Variants in CNBD1 observed in about 807,000 individuals in gnomAD.
The protein encoded by CNBD1 is cyclic nucleotide binding domain containing 1.
In CNBD1, 71 loss-of-function variants were observed where a neutral mutation model predicts 54.4. The observed-to-expected ratio is 1.30, with a 90% CI of 1.08 to 1.59. The LOEUF is 1.59. CNBD1 is among the 40% of genes most tolerant of loss of function. CNBD1 has a pLI of 0.00. For missense variants in CNBD1, 659 were observed against 518.0 expected (o/e 1.27, Z -2.64); for synonymous variants, 182 against 170.7 (o/e 1.07, Z -0.51).
chr8:87,320,504 C>A (rs565810047), intron 8 of CNBD1, among the ~76,000 whole-genome samples: 35 of 151,702 alleles, frequency 2.3e-4, no homozygotes, highest in African/African-American at 7.7e-4. Context: ...ATTATTTTGC[C>A]ACGAGTTAAA....
intron 8 of CNBD1, among the ~76,000 whole-genome samples, chr8:87,333,254 A>T (rs751757848): frequency 3.3e-4 from 50 of 152,300 alleles, no homozygotes; most frequent in Non-Finnish European, 6.0e-4. Context: ...GTTGCTTATC[A>T]GCTTAAGGAG....
At chr8:87,193,239 A>G (rs1184263418) in intron 4 of CNBD1, among the ~76,000 whole-genome samples, 1 of 152,192 alleles carries the variant, frequency 6.6e-6, no homozygotes, top group Non-Finnish European at 1.5e-5. Context: ...GGTTATTTAT[A>G]TTTGACCAAT....
intron 6 of CNBD1, among the ~76,000 whole-genome samples, chr8:87,280,984 T>A (rs1808588351): frequency 7.4e-6 from 1 of 134,714 alleles, no homozygotes; most frequent in African/African-American, 3.0e-5. Context: ...TTCAAAAAAA[T>A]TGAGAGACTG....
chr8:87,049,982 C>G (rs1461641937), intron 4 of CNBD1, among the ~76,000 whole-genome samples: 3 of 152,208 alleles, frequency 2.0e-5, no homozygotes, highest in African/African-American at 7.2e-5. Context: ...AAGGCTATTT[C>G]TTTCCTTCTG....
intron 4 of CNBD1, among the ~76,000 whole-genome samples, chr8:87,098,788 A>C (rs1811368077): frequency 6.6e-6 from 1 of 151,526 alleles, no homozygotes; most frequent in Non-Finnish European, 1.5e-5. Flanking sequence ...GTGTAATCTC[A>C]GCACTTTGGG....
At chr8:87,410,070 A>G (rs1159234299) in intron 2 of CNBD1, among the ~76,000 whole-genome samples, 1 of 152,042 alleles carries the variant, frequency 6.6e-6, no homozygotes, top group South Asian at 2.1e-4. Context: ...TACTACATAA[A>G]TGGAACATAA....
intron 10 of CNBD1, among the ~76,000 whole-genome samples, chr8:87,379,924 C>G (rs1811040011): frequency 6.7e-6 from 1 of 149,804 alleles, no homozygotes; most frequent in Non-Finnish European, 1.5e-5. Context: ...TTAAATATGA[C>G]CAAATGATTT....
intron 10 of CNBD1, among the ~76,000 whole-genome samples, chr8:87,376,545 C>T (rs1810943458): frequency 6.6e-6 from 1 of 151,864 alleles, no homozygotes; most frequent in Non-Finnish European, 1.5e-5. Flanking sequence ...CTGAAAATAT[C>T]CTGACAGATG....
rs540441262 is a variant in CNBD1 at position 87,352,984 on chromosome 8, A to C, written c.1153-652A>C. Among the ~76,000 whole-genome samples the C allele has an allele frequency of 6.4e-4, 97 of 152,266 alleles. 2 individuals carry two copies. The highest frequency in any genetic ancestry group is 5.0e-3 in the Admixed American group (76 of 15,284). Reference sequence around the variant, plus strand: ...GGCTATATTCTCTTTTATATATCTTAGTGGTCATCAACTCCTAGCAAATCT... The same window carrying C: ...GGCTATATTCTCTTTTATATATCTTCGTGGTCATCAACTCCTAGCAAATCT... On this transcript the variant is annotated intron_variant, in intron 9 of 10. Transcript: ENST00000518476.
In CNBD1 at chr8:86,878,227, C is replaced by G. The variant is rs947053532; in HGVS notation, c.89-9315C>G. Among the ~76,000 whole-genome samples the G allele has an allele frequency of 4.0e-5, 6 of 149,916 alleles. No homozygotes were observed. The South Asian group carries it at 6.4e-4, about 16-fold the overall frequency. ...TTTTTATTTGCTATTATAAATTAAT[C>G]ATTTTTACCTTTTCCCTTAGAGCAT... On this transcript the variant is annotated intron_variant, in intron 1 of 10. Coordinates refer to ENST00000518476, the MANE Select transcript of CNBD1 (RefSeq NM_173538.3).
chr8:87,276,537 C>T (rs761004134), intron 6 of CNBD1, among the ~76,000 whole-genome samples: 4 of 151,794 alleles, frequency 2.6e-5, no homozygotes, highest in Non-Finnish European at 4.4e-5. Flanking sequence ...AATGGAGAAA[C>T]GGAAGTAGGT....
chr8:87,304,979 C>G (rs760627101), intron 8 of CNBD1, among the ~76,000 whole-genome samples: 5 of 152,052 alleles, frequency 3.3e-5, no homozygotes, highest in Non-Finnish European at 5.9e-5. Context: ...CCACTGTTTG[C>G]TAACAAGATG....
chr8:87,342,746 G>A (rs111364310), intron 8 of CNBD1, among the ~76,000 whole-genome samples: 1 of 152,212 alleles, frequency 6.6e-6, no homozygotes, highest in Non-Finnish European at 1.5e-5. Context: ...GGGGGCACAC[G>A]AACAGGGAGT....
At chr8:87,054,290 A>G (rs2130628176) in intron 4 of CNBD1, among the ~76,000 whole-genome samples, 1 of 152,360 alleles carries the variant, frequency 6.6e-6, no homozygotes, top group African/African-American at 2.4e-5. Context: ...TCCCCACAAC[A>G]TGCCTCCCCA....
chr8:86,939,549 T>G, intron 3 of CNBD1, 47 bp from the exon 4 acceptor site: 1 of 1,325,848 alleles, frequency 7.5e-7, no homozygotes, highest in Non-Finnish European at 1.0e-6. Flanking sequence ...TGTAAATAAT[T>G]TTTATGCAGT....
At chr8:86,926,980 G>A (rs1809372290) in intron 3 of CNBD1, among the ~76,000 whole-genome samples, 1 of 152,306 alleles carries the variant, frequency 6.6e-6, no homozygotes, top group Admixed American at 6.5e-5. Flanking sequence ...CTGGGGCAAT[G>A]TCAATGTTGG....
intron 2 of CNBD1, among the ~76,000 whole-genome samples, chr8:87,423,486 G>A (rs1160726494): frequency 2.0e-5 from 3 of 151,678 alleles, no homozygotes; most frequent in Non-Finnish European, 2.9e-5. Flanking sequence ...TTAGCATGAA[G>A]GGTTGTTGAA....
At chr8:87,005,709 A>C (rs1252965268) in intron 4 of CNBD1, among the ~76,000 whole-genome samples, 1 of 152,120 alleles carries the variant, frequency 6.6e-6, no homozygotes, top group Non-Finnish European at 1.5e-5. Context: ...AATTGAACTC[A>C]AGTCTATTGA....
intron 2 of CNBD1, among the ~76,000 whole-genome samples, chr8:87,404,031 A>T (rs1807612398): frequency 1.3e-5 from 2 of 152,104 alleles, no homozygotes; most frequent in African/African-American, 2.4e-5. Context: ...TATTAGAGAG[A>T]GGTTTGCTGC....
Sources: gnomAD v4.1 joint callset for allele counts (sites outside exome capture counted in the v4.1 genomes callset) on GRCh38, gnomAD v4.1.1 for gene constraint, MANE v1.5 for transcripts, NCBI Gene and HGNC (gene_info 2026-07-23, HGNC 2026-07-21) for gene names.